Variants in MAP4K5 observed in about 807,000 individuals in gnomAD.
The protein encoded by MAP4K5 is mitogen-activated protein kinase kinase kinase kinase 5.
A neutral mutation model predicts 135.6 loss-of-function variants in MAP4K5; 82 were observed. That is an observed-to-expected ratio of 0.60 (90% CI 0.51 to 0.73). The LOEUF (loss-of-function observed/expected upper bound fraction) is 0.73, where lower values mean the gene tolerates loss of function less well. Among genes scored for constraint, MAP4K5 ranks in the 30% least tolerant of loss-of-function variants. MAP4K5 has a pLI of 0.00. For missense variants in MAP4K5, 907 were observed against 1,010.9 expected, an observed-to-expected ratio of 0.90 and a Z score of 1.39; for synonymous variants, 347 against 335.0, an observed-to-expected ratio of 1.04 and a Z score of -0.39.
intron 1 of MAP4K5, among the ~76,000 whole-genome samples, chr14:50,552,323 G>A (rs928568141): frequency 1.3e-5 from 2 of 152,052 alleles, no homozygotes; most frequent in African/African-American, 4.8e-5. Context: ...GGAGGTGAGA[G>A]TTCTCTACAA....
In MAP4K5 at chr14:50,432,682, G is replaced by C. The variant is rs192420611; in HGVS notation, c.2164+1712C>G. On this transcript the variant is annotated intron_variant, in intron 28 of 32. Transcript: ENST00000682126. ...CTTCTAATATATAATCCAGAAGAAA[G>C]TGGTCGCAAATATACATTAAATAGT... Among the ~76,000 whole-genome samples the C allele has an allele frequency of 9.9e-5, 15 of 151,910 alleles. No homozygotes were observed. In the East Asian group the frequency reaches 2.9e-3, roughly 29 times the overall value.
intron 14 of MAP4K5, among the ~76,000 whole-genome samples, chr14:50,455,653 T>C (rs2036581953): frequency 6.6e-6 from 1 of 152,018 alleles, no homozygotes; most frequent in Admixed American, 6.6e-5. Flanking sequence ...AATGTTTGGG[T>C]TTATGAAAAC....
At chr14:50,497,625 T>G (rs1315818199) in intron 3 of MAP4K5, among the ~76,000 whole-genome samples, 1 of 152,184 alleles carries the variant, frequency 6.6e-6, no homozygotes, top group African/African-American at 2.4e-5. Flanking sequence ...GTTCCTGACT[T>G]TTTAACACTT....
intron 13 of MAP4K5, among the ~76,000 whole-genome samples, chr14:50,457,904 C>T (rs1595461981): frequency 6.6e-6 from 1 of 152,210 alleles, no homozygotes. Context: ...CTTTGCCCCA[C>T]TGTCTTTTAG....
Position 50,476,310 on chromosome 14 carries a change from A to G in MAP4K5, c.379-4T>C. 3 of 1,398,188 alleles carry G rather than the reference A, an allele frequency of 2.1e-6. No individual in the cohort carries two copies. Among genetic ancestry groups the G allele is most frequent in the Non-Finnish European group, 2.8e-6 (3 of 1,060,378 alleles). The allele number at this position is 1,398,188 out of a possible 1,614,324, so 86.6% of individuals were successfully genotyped here. ...TAGTATGCAAATAGGCAAGACCCTA[A>G]AAGTTTAAAAAAAAAAAAAAAGAAT... is the stretch of plus-strand genomic sequence containing the variant. On this transcript the variant is annotated splice_region_variant and splice_polypyrimidine_tract_variant and intron_variant, in intron 6 of 32. Transcript: ENST00000682126.
At chr14:50,474,682 G>A (rs2037056604) in intron 9 of MAP4K5, among the ~76,000 whole-genome samples, 1 of 152,046 alleles carries the variant, frequency 6.6e-6, no homozygotes, top group African/African-American at 2.4e-5. Flanking sequence ...ACCCACCATG[G>A]CACACGTTTA....
chr14:50,554,600 G>C (rs74050949), intron 1 of MAP4K5, among the ~76,000 whole-genome samples: 1 of 152,212 alleles, frequency 6.6e-6, no homozygotes, highest in African/African-American at 2.4e-5. Context: ...CACTGGAGGA[G>C]CAGGTGTCCC....
chr14:50,440,132 C>A, intron 22 of MAP4K5, 59 bp from the exon 23 acceptor site: 2 of 1,080,570 alleles, frequency 1.9e-6, no homozygotes, highest in South Asian at 1.6e-5. Flanking sequence ...CTTTTAAATT[C>A]CAACATTCTG....
rs145432983 is a variant in MAP4K5, at chr14:50,478,842, T to A, written c.379-2536A>T. Among the ~76,000 whole-genome samples the A allele has an allele frequency of 7.2e-5, 11 of 152,246 alleles. No individual in the cohort carries two copies. The East Asian group carries it at 2.1e-3, about 29-fold the overall frequency. On this transcript the variant is annotated intron_variant, in intron 6 of 32. Coordinates refer to ENST00000682126, the MANE Select transcript of MAP4K5 (RefSeq NM_006575.6). ...AATAGAATTTTAGGTTGACAATTTT[T>A]TTTCAGTACTTTAAAGATTTTCCAC...
chr14:50,529,279 T>TG (rs1049701579), intron 2 of MAP4K5, among the ~76,000 whole-genome samples: 12 of 151,980 alleles, frequency 7.9e-5, no homozygotes, highest in Non-Finnish European at 2.9e-5. Flanking sequence ...GCCAGCTACT[T>TG]GGGGGGCTGA....
chr14:50,541,663 G>C (rs940169416), intron 2 of MAP4K5, among the ~76,000 whole-genome samples: 5 of 152,144 alleles, frequency 3.3e-5, no homozygotes, highest in African/African-American at 1.2e-4. Context: ...ACAGGAAACT[G>C]TATGGAGTCT....
chr14:50,558,828 C>A (rs1310523163), intron 1 of MAP4K5, among the ~76,000 whole-genome samples: 2 of 152,148 alleles, frequency 1.3e-5, no homozygotes, highest in Non-Finnish European at 2.9e-5. Context: ...GTCTGTCTTC[C>A]TATGTTGTTT....
chr14:50,547,536 A>C (rs2038649033), intron 1 of MAP4K5, among the ~76,000 whole-genome samples: 1 of 152,206 alleles, frequency 6.6e-6, no homozygotes, highest in African/African-American at 2.4e-5. Context: ...ACGAAGATGA[A>C]ATAATACTGC....
intron 9 of MAP4K5, chr14:50,471,857 T>C (rs952966340): frequency 6.6e-6 from 1 of 152,210 alleles, no homozygotes; most frequent in African/African-American, 2.4e-5. Flanking sequence ...TTCCGTCATT[T>C]CTGCTCCATG....
chr14:50,462,454 A>AT (rs1242007681), intron 13 of MAP4K5, among the ~76,000 whole-genome samples: 3 of 152,240 alleles, frequency 2.0e-5, no homozygotes, highest in Non-Finnish European at 4.4e-5. Context: ...GAGAACTAGG[A>AT]TAAAAAAAGT....
chr14:50,490,364 A>G (rs1390797734), intron 3 of MAP4K5, among the ~76,000 whole-genome samples: 1 of 152,156 alleles, frequency 6.6e-6, no homozygotes, highest in Admixed American at 6.5e-5. Flanking sequence ...ATTAACTAAG[A>G]AATGTAGATA....
At chr14:50,422,628 A>G (rs2035759441) in intron 32 of MAP4K5, among the ~76,000 whole-genome samples, 3 of 152,228 alleles carry the variant, frequency 2.0e-5, no homozygotes, top group Non-Finnish European at 4.4e-5. Context: ...ATCAAAAGCT[A>G]CAGCTACTAC....
intron 1 of MAP4K5, among the ~76,000 whole-genome samples, chr14:50,552,976 G>A (rs985433512): frequency 2.6e-5 from 4 of 152,000 alleles, no homozygotes; most frequent in African/African-American, 9.7e-5. Context: ...CTAAGAATCC[G>A]AAAGCAAATG....
At chr14:50,444,903 T>C in intron 18 of MAP4K5, 138 bp downstream of exon 18, 2 of 911,788 alleles carry the variant, frequency 2.2e-6, no homozygotes, top group Non-Finnish European at 3.2e-6. Flanking sequence ...TAAGCTATAA[T>C]AGGATTGACT....
Sources: gnomAD v4.1 joint callset for allele counts (sites outside exome capture counted in the v4.1 genomes callset) on GRCh38, gnomAD v4.1.1 for gene constraint, MANE v1.5 for transcripts, NCBI Gene and HGNC (gene_info 2026-07-23, HGNC 2026-07-21) for gene names.